The following PDE8A variants were observed in gnomAD, a reference collection of about 807,000 sequenced individuals.
PDE8A encodes the protein phosphodiesterase 8A.
In PDE8A, 59 loss-of-function variants were observed where a neutral mutation model predicts 105.0. The ratio of observed to expected loss-of-function variants is 0.56; its 90% CI spans 0.46 to 0.70. PDE8A has a LOEUF of 0.70. Among genes scored for constraint, PDE8A ranks in the 30% least tolerant of loss-of-function variants. PDE8A has a pLI of 0.00. For missense variants in PDE8A, 1,014 were observed against 1,045.9 expected, an observed-to-expected ratio of 0.97 and a Z score of 0.42; for synonymous variants, 355 against 371.9, an observed-to-expected ratio of 0.95 and a Z score of 0.52.
intron 1 of PDE8A, among the ~76,000 whole-genome samples, chr15:84,995,382 A>G (rs2079959847): frequency 6.6e-6 from 1 of 150,822 alleles, no homozygotes; most frequent in African/African-American, 2.4e-5. Flanking sequence ...TGCTGTGATC[A>G]TAGTTAACTG....
Position 84,981,877 on chromosome 15 carries a change from A to C in PDE8A, c.-286A>C. 1 of 212,342 alleles carries C rather than the reference A, an allele frequency of 4.7e-6. No individual in the cohort carries two copies. The highest frequency in any genetic ancestry group is 9.2e-6 in the Non-Finnish European group (1 of 108,156). The allele number at this position is 212,342 out of a possible 1,614,324, so 13.2% of individuals were successfully genotyped here. A position where few individuals can be genotyped will look rare whatever the true frequency, so the allele number is the denominator to read the frequency against. ...AAGCGCGGCCGAGGCGAGCCCGGCG[A>C]TGTGAGAGGCGGCCGTCGGCTCCTG... On this transcript the variant is annotated 5_prime_UTR_variant, in exon 1 of 22. The change abolishes an upstream ATG in the 5' untranslated region. Transcript: ENST00000394553.
chr15:85,076,513 T>G lies in PDE8A; in HGVS notation c.492-220T>G, dbSNP rs576779027. Among the ~76,000 whole-genome samples the G allele has an allele frequency of 2.6e-5, 4 of 152,162 alleles. No individual in the cohort carries two copies. The East Asian group carries it at 7.7e-4, about 29-fold the overall frequency. ...TCCTGTATTCCTGCTATTAATGTAG[T>G]TTGTGTATTTCAAGTATTATAATAT... On this transcript the variant is annotated intron_variant, in intron 4 of 21. Coordinates refer to ENST00000394553, the MANE Select transcript of PDE8A (RefSeq NM_002605.3).
At chr15:85,038,523 T>C (rs1212278797) in intron 1 of PDE8A, among the ~76,000 whole-genome samples, 1 of 152,136 alleles carries the variant, frequency 6.6e-6, no homozygotes, top group East Asian at 1.9e-4. Flanking sequence ...GCTTCTGTAC[T>C]CGGCAAAGGA....
At chr15:85,132,838 CTGTGTGTGTGTGTG>C (rs6145662) in intron 20 of PDE8A, among the ~76,000 whole-genome samples, 34,803 of 151,032 alleles carry the variant, frequency 0.23, 4,764 homozygotes, top group East Asian at 0.48. Context: ...AGTTCCTGGT[CTGTGTGTGTGTGTG>C]TGTGTGTGTT....
At chr15:85,130,931 T>G (rs1439446389) in intron 20 of PDE8A, among the ~76,000 whole-genome samples, 2 of 152,242 alleles carry the variant, frequency 1.3e-5, no homozygotes, top group East Asian at 3.9e-4. Flanking sequence ...GGCTAATTTT[T>G]GTGTTTTTAG....
intron 1 of PDE8A, among the ~76,000 whole-genome samples, chr15:84,984,282 C>T (rs778847039): frequency 1.3e-5 from 2 of 152,102 alleles, no homozygotes; most frequent in Non-Finnish European, 2.9e-5. Flanking sequence ...CAGTTATTTG[C>T]ATTTAGGCAT....
rs2079874617 is a variant in PDE8A, at chr15:84,990,816, AAAATAGTTATCCAAT to A, written c.186+8470_186+8484del. On this transcript the variant is annotated intron_variant, in intron 1 of 21. Transcript: ENST00000394553. ...TTAAGAAACTGCTTGACCTTTTCCC[AAAATAGTTATCCAAT>A]ATTACACTCATGCCAACAATGTATA... Among the ~76,000 whole-genome samples the A allele has an allele frequency of 5.3e-5, 8 of 152,348 alleles. No individual in the cohort carries two copies. The South Asian group carries it at 1.7e-3, about 32-fold the overall frequency.
rs2081186512 is a variant in PDE8A at position 85,064,136 on chromosome 15, T to A, written c.187-234T>A. 4 of 455,600 alleles carry A rather than the reference T, an allele frequency of 8.8e-6. No homozygotes were observed. The Admixed American group carries it at 1.6e-4, about 18-fold the overall frequency. 28.2% of individuals were successfully genotyped at this position (455,600 alleles called of 1,614,324 possible). A position where few individuals can be genotyped will look rare whatever the true frequency, so the allele number is the denominator to read the frequency against. ...TAGCTAGTAAAAGGCAAAGCCAGAA[T>A]CACATTCATTTTATTTGTTCATTTT... On this transcript the variant is annotated intron_variant, in intron 1 of 21. Coordinates refer to ENST00000394553, the MANE Select transcript of PDE8A (RefSeq NM_002605.3).
chr15:85,123,368 A>T (rs1254535025), intron 19 of PDE8A, among the ~76,000 whole-genome samples, 175 bp downstream of exon 19: 1 of 149,824 alleles, frequency 6.7e-6, no homozygotes, highest in Admixed American at 6.6e-5. Flanking sequence ...ACACACACAC[A>T]CACACACACA....
At chr15:85,093,737 G>A (rs1186037492) in intron 8 of PDE8A, among the ~76,000 whole-genome samples, 1 of 152,130 alleles carries the variant, frequency 6.6e-6, no homozygotes, top group African/African-American at 2.4e-5. Context: ...CATCCTATAT[G>A]TATATCCACC....
At chr15:85,038,516 T>C (rs940809326) in intron 1 of PDE8A, among the ~76,000 whole-genome samples, 1 of 152,138 alleles carries the variant, frequency 6.6e-6, no homozygotes, top group African/African-American at 2.4e-5. Flanking sequence ...CTAAAAAGCT[T>C]CTGTACTCGG....
Position 85,113,434 on chromosome 15 carries a change from C to A in PDE8A, c.1172C>A (p.Ala391Glu). The A allele has an allele frequency of 6.2e-7, 1 of 1,613,804 alleles. No individual in the cohort carries two copies. Residue 391 changes from alanine to glutamate, a missense_variant, in exon 13 of 22, where the codon GCG becomes GAG. Transcript: ENST00000394553. ...CGGATACATTCCATGACAATTGAGGCGCCCATCACCAAGGTGAAGCAGTTT... is the reference window on the plus strand; with the variant it reads ...CGGATACATTCCATGACAATTGAGGAGCCCATCACCAAGGTGAAGCAGTTT... ...MARIHSMTIE[A>E]PITKVINIIN...
chr15:85,111,837 G>A (rs1482528866), intron 12 of PDE8A, among the ~76,000 whole-genome samples: 1 of 152,088 alleles, frequency 6.6e-6, no homozygotes, highest in Non-Finnish European at 1.5e-5. Context: ...CATTTATTTA[G>A]GCTGTCTTTG....
At chr15:84,982,828 A>C (rs1480858352) in intron 1 of PDE8A, among the ~76,000 whole-genome samples, 1 of 152,248 alleles carries the variant, frequency 6.6e-6, no homozygotes, top group Non-Finnish European at 1.5e-5. Context: ...ATGCAGTTGC[A>C]GGTTACCATT....
At chr15:85,135,861 CTT>C (rs879911712) in intron 20 of PDE8A, among the ~76,000 whole-genome samples, 1 of 147,420 alleles carries the variant, frequency 6.8e-6, no homozygotes. Context: ...ACTCAGAGCT[CTT>C]TTTTTTTTTA....
chr15:84,983,137 C>G (rs1271620998), intron 1 of PDE8A, among the ~76,000 whole-genome samples: 2 of 152,100 alleles, frequency 1.3e-5, no homozygotes, highest in East Asian at 3.9e-4. Context: ...TTGAGGTTTT[C>G]TAAAGGAAAG....
At chr15:84,982,776 G>A (rs1309466038) in intron 1 of PDE8A, among the ~76,000 whole-genome samples, 1 of 152,204 alleles carries the variant, frequency 6.6e-6, no homozygotes, top group Non-Finnish European at 1.5e-5. Context: ...AAAGGGAAGG[G>A]CGACTGGCCT....
intron 20 of PDE8A, among the ~76,000 whole-genome samples, chr15:85,128,167 T>C (rs2082283947): frequency 6.7e-6 from 1 of 149,696 alleles, no homozygotes; most frequent in African/African-American, 2.5e-5. Flanking sequence ...CATACCAGAA[T>C]ATCCTCAATG....
chr15:85,110,529 C>T (rs68049335), intron 12 of PDE8A, among the ~76,000 whole-genome samples: 13,421 of 152,162 alleles, frequency 0.088, 1,628 homozygotes, highest in African/African-American at 0.28. Flanking sequence ...CCTTGTGCCT[C>T]ATAGAATTGG....
Sources: gnomAD v4.1 joint callset for allele counts (sites outside exome capture counted in the v4.1 genomes callset) on GRCh38, gnomAD v4.1.1 for gene constraint, MANE v1.5 for transcripts, NCBI Gene and HGNC (gene_info 2026-07-23, HGNC 2026-07-21) for gene names.